DRC8: variants seen among roughly 807,000 people sequenced by gnomAD.
The protein encoded by DRC8 is dynein regulatory complex subunit 8.
the DRC8 span, among the ~76,000 whole-genome samples, chr1:245,028,964 C>T: frequency 6.6e-6 from 1 of 152,196 alleles, no homozygotes; most frequent in Non-Finnish European, 1.5e-5. Flanking sequence ...GGGGTCATAT[C>T]TGTGATGAAG....
the DRC8 span, among the ~76,000 whole-genome samples, chr1:245,037,023 C>A: frequency 1.3e-5 from 2 of 152,174 alleles, no homozygotes; most frequent in Non-Finnish European, 2.9e-5. Flanking sequence ...TCTAAACACA[C>A]CAATTTACAT....
At chr1:245,099,447 C>G in the DRC8 span, among the ~76,000 whole-genome samples, 1 of 152,314 alleles carries the variant, frequency 6.6e-6, no homozygotes, top group Non-Finnish European at 1.5e-5. Context: ...GCACAGCCAC[C>G]AGCCCTGCCC....
chr1:245,043,012 A>G, the DRC8 span, among the ~76,000 whole-genome samples: 1 of 152,130 alleles, frequency 6.6e-6, no homozygotes, highest in Middle Eastern at 3.2e-3. Context: ...AAATAGTCTT[A>G]CTCCTATGCC....
chr1:245,078,040 A>G, the DRC8 span, among the ~76,000 whole-genome samples: 1 of 152,334 alleles, frequency 6.6e-6, no homozygotes, highest in Admixed American at 6.5e-5. Context: ...ATTAAAAAAA[A>G]CGGAAAAAAG....
chr1:245,117,191 G>A, the DRC8 span, among the ~76,000 whole-genome samples: 10 of 151,860 alleles, frequency 6.6e-5, no homozygotes, highest in East Asian at 1.9e-3. Context: ...TAGCTGGGAT[G>A]ACAGGCACTC....
chr1:244,974,116 C>T, the DRC8 span, among the ~76,000 whole-genome samples: 2 of 152,080 alleles, frequency 1.3e-5, no homozygotes, highest in African/African-American at 4.8e-5. Context: ...ATTATTTTTC[C>T]AAAGTTTCCT....
the DRC8 span, among the ~76,000 whole-genome samples, chr1:245,057,497 T>G: frequency 6.6e-6 from 1 of 152,222 alleles, no homozygotes; most frequent in Non-Finnish European, 1.5e-5. Flanking sequence ...TTGGAATCAG[T>G]GTGTATTTTA....
chr1:245,115,106 A>C, the DRC8 span, among the ~76,000 whole-genome samples: 1 of 152,110 alleles, frequency 6.6e-6, no homozygotes, highest in African/African-American at 2.4e-5. Flanking sequence ...GCTGGAGTGC[A>C]GTGGCACGAT....
the DRC8 span, chr1:245,017,393 G>A: frequency 6.9e-7 from 1 of 1,452,534 alleles, no homozygotes; most frequent in Non-Finnish European, 9.3e-7. Context: ...ATACAAGAGA[G>A]CTATTTTCTC....
the DRC8 span, among the ~76,000 whole-genome samples, chr1:245,019,511 C>A: frequency 6.6e-6 from 1 of 152,024 alleles, no homozygotes; most frequent in Non-Finnish European, 1.5e-5. Context: ...CTCAGCCTCC[C>A]AAGCAGCTAG....
the DRC8 span, among the ~76,000 whole-genome samples, chr1:245,005,475 T>G: frequency 0.011 from 1,647 of 151,936 alleles, 35 homozygotes; most frequent in African/African-American, 0.037. Flanking sequence ...CTCAGCCTCC[T>G]GAGTAGCTGG....
the DRC8 span, among the ~76,000 whole-genome samples, chr1:245,035,563 A>AT: frequency 2.6e-5 from 4 of 152,198 alleles, no homozygotes; most frequent in African/African-American, 9.6e-5. Flanking sequence ...ATATATGAAA[A>AT]TTAACTCAAA....
At chr1:245,111,916 A>G in the DRC8 span, among the ~76,000 whole-genome samples, 1,926 of 152,224 alleles carry the variant, frequency 0.013, 47 homozygotes, top group African/African-American at 0.044. Flanking sequence ...CACCTGTAGT[A>G]CCAGCTACTC....
At chr1:244,969,885 A>C in the DRC8 span, 4 of 434,500 alleles carry the variant, frequency 9.2e-6, no homozygotes, top group Non-Finnish European at 1.2e-5. Flanking sequence ...CGGGCTGCGA[A>C]TGGGAAGCGG....
chr1:245,099,647 G>A, the DRC8 span, among the ~76,000 whole-genome samples: 1 of 152,244 alleles, frequency 6.6e-6, no homozygotes, highest in Admixed American at 6.5e-5. Flanking sequence ...TGCAAGTGAA[G>A]CCCCAGTTCT....
At chr1:245,076,057 T>A in the DRC8 span, among the ~76,000 whole-genome samples, 2 of 152,366 alleles carry the variant, frequency 1.3e-5, no homozygotes, top group South Asian at 4.1e-4. Flanking sequence ...GCTATCTTAT[T>A]TAATTGCCAC....
At chr1:244,979,292 CTTTTTTTTTTT>C in the DRC8 span, among the ~76,000 whole-genome samples, 9 of 51,380 alleles carry the variant, frequency 1.8e-4, no homozygotes, top group African/African-American at 3.9e-4. Flanking sequence ...CGAAGCTTAT[CTTTTTTTTTTT>C]TTTTTTTTTT....
At chr1:245,105,969 C>T in the DRC8 span, among the ~76,000 whole-genome samples, 2 of 152,156 alleles carry the variant, frequency 1.3e-5, no homozygotes, top group Admixed American at 1.3e-4. Flanking sequence ...GTCCCAGCTA[C>T]TGAGGAGGCC....
chr1:245,056,679 T>A, the DRC8 span, among the ~76,000 whole-genome samples: 1 of 152,180 alleles, frequency 6.6e-6, no homozygotes, highest in Admixed American at 6.5e-5. Context: ...GGCTCACGCC[T>A]GTAATCCCAG....
Sources: gnomAD v4.1 joint callset for allele counts (sites outside exome capture counted in the v4.1 genomes callset) on GRCh38, gnomAD v4.1.1 for gene constraint, MANE v1.5 for transcripts, NCBI Gene and HGNC (gene_info 2026-07-23, HGNC 2026-07-21) for gene names.